Variants in MARCHF1 observed in about 807,000 individuals in gnomAD.
MARCHF1 encodes the protein E3 ubiquitin-protein ligase MARCHF1.
A neutral mutation model predicts 54.2 loss-of-function variants in MARCHF1; 40 were observed. The ratio of observed to expected loss-of-function variants is 0.74; its 90% CI spans 0.57 to 0.96. The LOEUF (loss-of-function observed/expected upper bound fraction) is 0.96. Among genes scored for constraint, MARCHF1 ranks in the 40% least tolerant of loss-of-function variants. The pLI is 0.00. For missense variants in MARCHF1, 586 were observed against 656.5 expected (o/e 0.89, Z 1.17); for synonymous variants, 236 against 236.3 (o/e 1.00, Z 0.01).
intron 2 of MARCHF1, among the ~76,000 whole-genome samples, chr4:164,071,291 T>G (rs1754859083): frequency 6.6e-6 from 1 of 152,186 alleles, no homozygotes. Context: ...GTGTTGGCAT[T>G]ATTTCTCAAA....
chr4:164,118,869 A>G (rs1755996628), intron 1 of MARCHF1, among the ~76,000 whole-genome samples: 2 of 151,678 alleles, frequency 1.3e-5, no homozygotes, highest in Non-Finnish European at 2.9e-5. Context: ...TATAAGAGTT[A>G]TAAGTATCCA....
chr4:163,994,785 AC>A lies in MARCHF1; in HGVS notation c.-247-6077del, dbSNP rs1560853181. Among the ~76,000 whole-genome samples the A allele has an allele frequency of 4.9e-4, 21 of 42,730 alleles. 1 individual carries two copies. The highest frequency in any genetic ancestry group is 9.1e-4 in the Non-Finnish European group (16 of 17,606). 28.0% of individuals were successfully genotyped at this position (42,730 alleles called of 152,430 possible). ...CACACACACACACACACACACACAC[AC>A]ACACACACAAAACAAATGCATTATT... On this transcript the variant is annotated intron_variant, in intron 2 of 9. Transcript: ENST00000514618.
chr4:164,173,182 A>G (rs1730574498), intron 1 of MARCHF1, among the ~76,000 whole-genome samples: 1 of 152,236 alleles, frequency 6.6e-6, no homozygotes, highest in African/African-American at 2.4e-5. Context: ...TCCAGAACAG[A>G]TTAATATTTT....
chr4:163,634,393 T>C (rs1229550709), intron 5 of MARCHF1, among the ~76,000 whole-genome samples: 79 of 147,404 alleles, frequency 5.4e-4, no homozygotes, highest in Non-Finnish European at 1.1e-3. Flanking sequence ...AATAAAAGGA[T>C]GGAGGAAGAT....
chr4:164,209,352 G>A (rs776050566), intron 1 of MARCHF1, among the ~76,000 whole-genome samples: 1 of 152,090 alleles, frequency 6.6e-6, no homozygotes, highest in Non-Finnish European at 1.5e-5. Context: ...CCAACTTTGG[G>A]AGGAGCATGA....
chr4:164,237,622 C>G (rs1732600921), intron 1 of MARCHF1, among the ~76,000 whole-genome samples: 1 of 151,926 alleles, frequency 6.6e-6, no homozygotes, highest in Non-Finnish European at 1.5e-5. Context: ...AATTGCAAAA[C>G]ACTCTGATAT....
chr4:164,077,244 A>C (rs1418410315), intron 2 of MARCHF1, among the ~76,000 whole-genome samples: 1 of 152,190 alleles, frequency 6.6e-6, no homozygotes, highest in Non-Finnish European at 1.5e-5. Flanking sequence ...CAACTATCTG[A>C]TCTTTGACAA....
chr4:164,241,892 T>TC (rs1388904561), intron 1 of MARCHF1, among the ~76,000 whole-genome samples: 1 of 152,162 alleles, frequency 6.6e-6, no homozygotes, highest in Admixed American at 6.5e-5. Context: ...ATCAGGTCAC[T>TC]CCCACCCGAA....
intron 3 of MARCHF1, among the ~76,000 whole-genome samples, chr4:163,870,383 C>A (rs1471859692): frequency 6.6e-6 from 1 of 151,986 alleles, no homozygotes. Context: ...AAGATATGGA[C>A]AAATAAGCGG....
intron 4 of MARCHF1, among the ~76,000 whole-genome samples, chr4:163,751,853 C>A (rs1746531597): frequency 6.6e-6 from 1 of 150,854 alleles, no homozygotes; most frequent in African/African-American, 2.4e-5. Flanking sequence ...CAGCTGTTTG[C>A]AGGATGTATA....
intron 1 of MARCHF1, among the ~76,000 whole-genome samples, chr4:164,145,308 C>T (rs1434354842): frequency 1.3e-5 from 2 of 152,018 alleles, no homozygotes; most frequent in African/African-American, 4.8e-5. Context: ...GGGAATCCTC[C>T]CTAACTCATT....
intron 1 of MARCHF1, among the ~76,000 whole-genome samples, chr4:164,117,487 T>C (rs1755962146): frequency 6.6e-6 from 1 of 151,992 alleles, no homozygotes; most frequent in African/African-American, 2.4e-5. Context: ...CTGAATCTCT[T>C]TCCAATGAAT....
intron 2 of MARCHF1, among the ~76,000 whole-genome samples, chr4:164,064,955 T>C (rs550807898): frequency 1.6e-4 from 25 of 152,342 alleles, no homozygotes; most frequent in African/African-American, 6.0e-4. Flanking sequence ...ATTACGTTTA[T>C]TGATTTGCAT....
chr4:163,727,351 A>T (rs968117695), intron 4 of MARCHF1, among the ~76,000 whole-genome samples: 2 of 148,924 alleles, frequency 1.3e-5, no homozygotes, highest in African/African-American at 2.5e-5. Flanking sequence ...TCTGTCGCCC[A>T]GGCTGGAGTG....
intron 1 of MARCHF1, among the ~76,000 whole-genome samples, chr4:164,307,548 C>G (rs1321619299): frequency 6.6e-6 from 1 of 152,214 alleles, no homozygotes; most frequent in Non-Finnish European, 1.5e-5. Context: ...CACACCCCAG[C>G]CCCCTGGGCA....
At chr4:163,898,060 CAAAAAAAA>C (rs70948673) in intron 3 of MARCHF1, among the ~76,000 whole-genome samples, 2 of 81,880 alleles carry the variant, frequency 2.4e-5, no homozygotes, top group Admixed American at 1.8e-4. Context: ...GACTCCGTCT[CAAAAAAAA>C]AAAAAAAAAA....
At chr4:163,532,455 A>T (rs548916879) in intron 9 of MARCHF1, among the ~76,000 whole-genome samples, 2 of 152,028 alleles carry the variant, frequency 1.3e-5, no homozygotes, top group South Asian at 2.1e-4. Context: ...ATAGAACTAA[A>T]TGTAAACTGT....
chr4:163,642,436 T>A (rs1742587581), intron 5 of MARCHF1, among the ~76,000 whole-genome samples: 1 of 152,226 alleles, frequency 6.6e-6, no homozygotes, highest in Non-Finnish European at 1.5e-5. Flanking sequence ...TGTATAATTG[T>A]CACTATTTGC....
At position 163,594,759 on chromosome 4, in the gene MARCHF1, A is replaced by ACACACACACACACACACAC. The variant is rs1560962635; in HGVS notation, c.1011-8831_1011-8830insGTGTGTGTGTGTGTGTGTG. Among the ~76,000 whole-genome samples, 111 of 65,696 alleles carry ACACACACACACACACACAC rather than the reference A, an allele frequency of 1.7e-3. 1 individual carries two copies. The highest frequency in any genetic ancestry group is 4.4e-3 in the African/African-American group (109 of 24,620). The allele number at this position is 65,696 out of a possible 152,430, so 43.1% of individuals were successfully genotyped here. ...TCAGAATGGCTATTATCAAAACACA[A>ACACACACACACACACACAC]ACACACACACACACACACACACACA... On this transcript the variant is annotated intron_variant, in intron 7 of 9. Transcript: ENST00000514618.
Sources: gnomAD v4.1 joint callset for allele counts (sites outside exome capture counted in the v4.1 genomes callset) on GRCh38, gnomAD v4.1.1 for gene constraint, MANE v1.5 for transcripts, NCBI Gene and HGNC (gene_info 2026-07-23, HGNC 2026-07-21) for gene names.